LY75: variants seen among roughly 807,000 people sequenced by gnomAD.
The protein encoded by LY75 is lymphocyte antigen 75, also known as C-type lectin domain family 13 member B.
LY75 carries 185 observed loss-of-function variants against 231.7 expected under a neutral mutation model. The ratio of observed to expected loss-of-function variants is 0.80; its 90% CI spans 0.71 to 0.90. LY75 has a LOEUF of 0.90. LY75 is among the 40% of genes least tolerant of loss of function. The probability of loss-of-function intolerance (pLI) is 0.00; values close to 1 mark genes in which losing one functional copy is unlikely to be tolerated. For missense variants in LY75, 1,947 were observed against 2,050.2 expected, an observed-to-expected ratio of 0.95 and a Z score of 0.97; for synonymous variants, 668 against 689.0, an observed-to-expected ratio of 0.97 and a Z score of 0.48.
Position 159,805,047 on chromosome 2 carries a change from G to C in LY75, c.5166C>G (p.Asp1722Glu), listed in dbSNP as rs752485949. 6.2e-7 allele frequency: 1 copy of C among 1,612,622 alleles called. No individual in the cohort carries two copies. The highest frequency in any genetic ancestry group is 1.3e-5 in the African/African-American group (1 of 74,988). ...ATTAGAAAACTTTTAGAAGAATTTA[G>C]TCATGGAAAGAAGGAAGCATAATCT... ...EDEIMLPSFH[D>E] The change falls in exon 35 of 35, where the codon GAC becomes GAG. Residue 1722 changes from aspartate (D) to glutamate (E), a missense_variant. Coordinates refer to ENST00000263636, the MANE Select transcript of LY75 (RefSeq NM_002349.4).
intron 33 of LY75, chr2:159,807,852 C>T (rs1682833373): frequency 6.1e-6 from 6 of 982,576 alleles, no homozygotes; most frequent in African/African-American, 1.7e-5. Context: ...TCTACTATTT[C>T]GTATTAAAAA....
At chr2:159,843,095 T>C (rs1349372584) in intron 23 of LY75, among the ~76,000 whole-genome samples, 1 of 151,970 alleles carries the variant, frequency 6.6e-6, no homozygotes, top group African/African-American at 2.4e-5. Flanking sequence ...TTAAATATAT[T>C]CTCTTTTTTT....
In LY75 at chr2:159,848,325, T is replaced by C. The variant is rs137991280; in HGVS notation, c.3150+1655A>G. Among the ~76,000 whole-genome samples, 157 of 152,164 alleles carry C rather than the reference T, an allele frequency of 1.0e-3. 2 individuals are homozygous for C. Among genetic ancestry groups the C allele is most frequent in the African/African-American group, 3.6e-3 (148 of 41,506 alleles). The stretch of plus-strand genomic sequence containing the variant: ...AGTAATGGAAAACCAAACATCGTTA[T>C]GTTCTCACTAATAAGTGGGAGCTAA... On this transcript the variant is annotated intron_variant, in intron 23 of 34. Transcript: ENST00000263636.
rs1299617156 is a variant in LY75, at chr2:159,848,151, GGT to G, written c.3150+1827_3150+1828del. Among the ~76,000 whole-genome samples, 24 of 104,782 alleles carry G rather than the reference GGT, an allele frequency of 2.3e-4. No homozygotes were observed. In the South Asian group the frequency reaches 2.3e-3, roughly 10 times the overall value. The allele number at this position is 104,782 out of a possible 152,430, so 68.7% of individuals were successfully genotyped here. ...ATATATATGGTGTGTATTTATATAT[GGT>G]GTGTGTGTGTGTGTATATGTATATA... On this transcript the variant is annotated intron_variant, in intron 23 of 34. Coordinates refer to ENST00000263636, the MANE Select transcript of LY75 (RefSeq NM_002349.4).
At chr2:159,811,553 A>G (rs1682961698) in intron 31 of LY75, among the ~76,000 whole-genome samples, 2 of 152,178 alleles carry the variant, frequency 1.3e-5, no homozygotes, top group Non-Finnish European at 2.9e-5. Flanking sequence ...TCTCAACCCA[A>G]ACTATTGTTT....
chr2:159,898,979 AGTC>A lies in LY75; in HGVS notation c.172_174del (p.Asp58del). 1 of 1,614,242 alleles carries A rather than the reference AGTC, an allele frequency of 6.2e-7. No homozygotes were observed. On this transcript the variant is annotated inframe_deletion, in exon 2 of 35. Coordinates refer to ENST00000263636, the MANE Select transcript of LY75 (RefSeq NM_002349.4). The stretch of plus-strand genomic sequence containing the variant: ...CATAACTTGTCCTCAGTTTCATCAC[AGTC>A]GTCTGCTACTATCCAGCCATACACT...
intron 31 of LY75, among the ~76,000 whole-genome samples, chr2:159,811,425 A>G (rs1378356242): frequency 6.6e-6 from 1 of 151,760 alleles, no homozygotes; most frequent in Non-Finnish European, 1.5e-5. Context: ...GTGCCCTTTA[A>G]CACCTGTTTT....
chr2:159,815,090 T>A (rs1039527240), intron 31 of LY75, among the ~76,000 whole-genome samples: 1 of 143,752 alleles, frequency 7.0e-6, no homozygotes, highest in Non-Finnish European at 1.5e-5. Context: ...AAGCTCCGCC[T>A]CCCGGGTTCA....
rs80250900 is a variant in LY75 at position 159,837,641 on chromosome 2, A to G, written c.3508-1996T>C. Among the ~76,000 whole-genome samples the G allele has an allele frequency of 9.1e-3, 1,279 of 140,796 alleles. 11 individuals are homozygous for G. Among genetic ancestry groups the G allele is most frequent in the Non-Finnish European group, 0.014 (938 of 67,858 alleles). 92.4% of individuals were successfully genotyped at this position (140,796 alleles called of 152,430 possible). On this transcript the variant is annotated intron_variant, in intron 25 of 34. Coordinates refer to ENST00000263636, the MANE Select transcript of LY75 (RefSeq NM_002349.4). ...TGCATGTGTACCCCCTGAATCTTAA[A>G]TAAATACATAAATCTGGCTTTTCCA... is the stretch of plus-strand genomic sequence containing the variant.
chr2:159,886,405 G>T lies in LY75; in HGVS notation c.913+15C>A, dbSNP rs1175700241. ...GATTTGTTCTGTGCAGAGGGGGTAG[G>T]GAAAGAGCAGTTACCTGGATCCCAG... On this transcript the variant is annotated intron_variant, in intron 5 of 34. Coordinates refer to ENST00000263636, the MANE Select transcript of LY75 (RefSeq NM_002349.4). 1.2e-6 allele frequency: 2 copies of T among 1,603,532 alleles called. No individual in the cohort carries two copies. The highest frequency in any genetic ancestry group is 1.3e-5 in the African/African-American group (1 of 74,394).
Position 159,894,088 on chromosome 2 carries a change from G to A in LY75, c.467-4C>T. 1 of 1,586,276 alleles carries A rather than the reference G, an allele frequency of 6.3e-7. No homozygotes were observed. Among genetic ancestry groups the A allele is most frequent in the Non-Finnish European group, 8.6e-7 (1 of 1,167,668 alleles). On this transcript the variant is annotated splice_region_variant and splice_polypyrimidine_tract_variant and intron_variant, in intron 2 of 34. Transcript: ENST00000263636. The stretch of plus-strand genomic sequence containing the variant: ...TTCCCATCTCTGGTATAGATCTCTG[G>A]GTTGGAGAGGAAGTTGGGGAAAAGA...
Position 159,872,574 on chromosome 2 carries a change from A to C in LY75, c.1994T>G (p.Ile665Ser). Residue 665 changes from isoleucine to serine, a missense_variant, in exon 13 of 35, where the codon ATT (isoleucine) becomes AGT (serine). Transcript: ENST00000263636. The stretch of plus-strand genomic sequence containing the variant: ...TTCTTCCCAGTTCCTCTTTCTTACA[A>C]TTCTTTCTGCATGGAATACCTTAGC... ...SCYKVFHAER[I>S]VRKRNWEEAE... The C allele has an allele frequency of 6.2e-7, 1 of 1,613,722 alleles. No individual in the cohort carries two copies. The highest frequency in any genetic ancestry group is 1.1e-5 in the South Asian group (1 of 91,052).
intron 34 of LY75, 151 bp downstream of exon 34, chr2:159,806,822 G>A: frequency 1.1e-6 from 1 of 886,446 alleles, no homozygotes; most frequent in Non-Finnish European, 1.5e-6. Context: ...TTTTTCAGGG[G>A]GAAATCTCTA....
At chr2:159,854,159 T>C (rs556493847) in intron 18 of LY75, among the ~76,000 whole-genome samples, 311 of 152,304 alleles carry the variant, frequency 2.0e-3, no homozygotes, top group Non-Finnish European at 3.5e-3. Context: ...AAGTGACATT[T>C]ATTATTAATC....
Position 159,898,977 on chromosome 2 carries a change from A to G in LY75, c.177T>C (p.Cys59=). ...PVYGWIVADD[C]DETEDKLWKW... ...TCCATAACTTGTCCTCAGTTTCATC[A>G]CAGTCGTCTGCTACTATCCAGCCAT... Residue 59 remains cysteine (C), a synonymous_variant, in exon 2 of 35, where the codon TGT becomes TGC. Transcript: ENST00000263636. The G allele has an allele frequency of 6.2e-7, 1 of 1,614,242 alleles. No individual in the cohort carries two copies. Among genetic ancestry groups the G allele is most frequent in the Non-Finnish European group, 8.5e-7 (1 of 1,180,036 alleles).
intron 28 of LY75, among the ~76,000 whole-genome samples, chr2:159,824,648 C>T (rs1340835060): frequency 6.6e-6 from 1 of 152,184 alleles, no homozygotes; most frequent in Admixed American, 6.5e-5. Flanking sequence ...CAGCCCAAAT[C>T]AATAGAATAT....
At chr2:159,846,354 GTCTCTA>G (rs1464860907) in intron 23 of LY75, among the ~76,000 whole-genome samples, 1 of 152,016 alleles carries the variant, frequency 6.6e-6, no homozygotes, top group Non-Finnish European at 1.5e-5. Context: ...ATGAGACCCT[GTCTCTA>G]CAAAAAAATT....
intron 13 of LY75, among the ~76,000 whole-genome samples, chr2:159,866,842 A>G (rs1034398008): frequency 1.3e-5 from 2 of 152,118 alleles, no homozygotes; most frequent in Admixed American, 1.3e-4. Context: ...TCTTCTTTAC[A>G]CAATCCACAA....
At chr2:159,867,178 T>G (rs1684882285) in intron 13 of LY75, among the ~76,000 whole-genome samples, 1 of 152,214 alleles carries the variant, frequency 6.6e-6, no homozygotes. Flanking sequence ...GAAAAAAGTT[T>G]CATTTGAACA....
Sources: gnomAD v4.1 joint callset for allele counts (sites outside exome capture counted in the v4.1 genomes callset) on GRCh38, gnomAD v4.1.1 for gene constraint, MANE v1.5 for transcripts, NCBI Gene and HGNC (gene_info 2026-07-23, HGNC 2026-07-21) for gene names.